Variants in ATG12 observed in about 807,000 individuals in gnomAD.
ATG12 encodes ubiquitin-like protein ATG12.
In ATG12, 19 loss-of-function variants were observed where a neutral mutation model predicts 17.6. The observed-to-expected ratio is 1.08, with a 90% confidence interval of 0.75 to 1.58. The LOEUF (loss-of-function observed/expected upper bound fraction) is 1.58. ATG12 is among the 40% of genes most tolerant of loss of function. The pLI is 0.00. For synonymous variants in ATG12, 75 were observed against 62.4 expected (o/e 1.20, Z -0.95); for missense variants, 214 against 162.0 (o/e 1.32, Z -1.74).
At position 115,831,333 on chromosome 5, in the gene ATG12, G is replaced by C. The variant is rs1039421942; in HGVS notation, c.*471C>G. On this transcript the variant is annotated 3_prime_UTR_variant, in exon 4 of 4. Transcript: ENST00000509910. ...CCAAAACGCCTAACCTTTTCTGCCT[G>C]GTGGACTGCCCTCTACTGGACTATT... The C allele has an allele frequency of 6.4e-6, 1 of 155,554 alleles. No individual in the cohort carries two copies. The highest frequency in any genetic ancestry group is 6.5e-5 in the Admixed American group (1 of 15,426). 9.6% of individuals were successfully genotyped at this position (155,554 alleles called of 1,614,324 possible). A position where few individuals can be genotyped will look rare whatever the true frequency, so the allele number is the denominator to read the frequency against.
intron 1 of ATG12, chr5:115,840,892 A>G (rs26536): frequency 0.43 from 556,032 of 1,285,924 alleles, 122,461 homozygotes; most frequent in Middle Eastern, 0.56. Context: ...TTCATTCTGC[A>G]TAAGAATTTG....
At position 115,828,881 on chromosome 5, in the gene ATG12, T is replaced by A. The variant is rs758808204; in HGVS notation, c.*2923A>T. ...TGGTAGTTTGCTCTAAGTGTTTTTA[T>A]GAGAGAAAGGGTATCTTCTCCTTGA... On this transcript the variant is annotated 3_prime_UTR_variant, in exon 4 of 4. Transcript: ENST00000509910. 1.3e-5 allele frequency: 2 copies of A among 152,192 alleles called. No homozygotes were observed. Among genetic ancestry groups the A allele is most frequent in the East Asian group, 1.9e-4 (1 of 5,198 alleles). The allele number at this position is 152,192 out of a possible 1,614,324, so 9.4% of individuals were successfully genotyped here.
In ATG12 at chr5:115,829,107, G is replaced by A. The variant is rs1367883084; in HGVS notation, c.*2697C>T. 6.6e-6 allele frequency: 1 copy of A among 152,172 alleles called. No homozygotes were observed. The highest frequency in any genetic ancestry group is 1.5e-5 in the Non-Finnish European group (1 of 68,020). The allele number at this position is 152,172 out of a possible 1,614,324, so 9.4% of individuals were successfully genotyped here. ...TATTTATATAAATACGATTTGAACT[G>A]TATTCAAATAGTAGTATTTGCTGAA... On this transcript the variant is annotated 3_prime_UTR_variant, in exon 4 of 4. Transcript: ENST00000509910.
intron 2 of ATG12, chr5:115,833,905 C>T (rs1179756717): frequency 6.6e-6 from 1 of 152,148 alleles, no homozygotes; most frequent in Non-Finnish European, 1.5e-5. Context: ...CTTAGTTTAT[C>T]AGTGTCTATG....
At chr5:115,839,568 G>A (rs1761242700) in intron 1 of ATG12, 1 of 152,172 alleles carries the variant, frequency 6.6e-6, no homozygotes, top group Admixed American at 6.5e-5. Context: ...AGAAACCAGA[G>A]AAGGAAAATA....
chr5:115,839,143 C>A (rs1761224418), intron 1 of ATG12: 1 of 139,060 alleles, frequency 7.2e-6, no homozygotes, highest in South Asian at 2.2e-4. Flanking sequence ...AAAAAAAAAT[C>A]TACAGTCAAA....
rs746181134 is a variant in ATG12, at chr5:115,829,563, C to T, written c.*2241G>A. On this transcript the variant is annotated 3_prime_UTR_variant, in exon 4 of 4. Transcript: ENST00000509910. The stretch of plus-strand genomic sequence containing the variant: ...CTTTGTGTGCCATGGGTCATCTATG[C>T]ACAGTAAGATGAAGCATGATATTAA... 2 of 152,088 alleles carry T rather than the reference C, an allele frequency of 1.3e-5. No homozygotes were observed. Among genetic ancestry groups the T allele is most frequent in the Non-Finnish European group, 2.9e-5 (2 of 68,028 alleles). The allele number at this position is 152,088 out of a possible 1,614,324, so 9.4% of individuals were successfully genotyped here. A position where few individuals can be genotyped will look rare whatever the true frequency, so the allele number is the denominator to read the frequency against.
intron 1 of ATG12, chr5:115,840,401 G>A: frequency 4.9e-6 from 1 of 202,070 alleles, no homozygotes; most frequent in South Asian, 5.6e-5. Context: ...GGGTTCAAGC[G>A]ATTCTCCTGC....
rs1317342158 is a variant in ATG12, at chr5:115,838,895, C to G, written c.164-1131G>C. On this transcript the variant is annotated intron_variant, in intron 1 of 3. Transcript: ENST00000509910. ...CTTGAGGTCAGGAGTTCAAGAGGGC[C>G]CAGTCCCCTTCCAACTTCTTGTTCA... 4 of 152,066 alleles carry G rather than the reference C, an allele frequency of 2.6e-5. No individual in the cohort carries two copies. The East Asian group carries it at 7.7e-4, about 29-fold the overall frequency. 9.4% of individuals were successfully genotyped at this position (152,066 alleles called of 1,614,324 possible).
rs1396925100 is a variant in ATG12 at position 115,831,443 on chromosome 5, G to T, written c.*361C>A. The T allele has an allele frequency of 3.7e-6, 1 of 273,284 alleles. No individual in the cohort carries two copies. Among genetic ancestry groups the T allele is most frequent in the Non-Finnish European group, 6.9e-6 (1 of 145,144 alleles). The allele number at this position is 273,284 out of a possible 1,614,324, so 16.9% of individuals were successfully genotyped here. On this transcript the variant is annotated 3_prime_UTR_variant, in exon 4 of 4. Transcript: ENST00000509910. ...ACATTAAAAAAAAAGGAACCCTTTA[G>T]TATATTAACTTTTACCATGAAAACA...
At chr5:115,840,260 T>C (rs1761312958) in intron 1 of ATG12, among the ~76,000 whole-genome samples, 1 of 151,408 alleles carries the variant, frequency 6.6e-6, no homozygotes, top group African/African-American at 2.4e-5. Flanking sequence ...TCCTCCACAG[T>C]AGCAGAAGTT....
At position 115,830,971 on chromosome 5, in the gene ATG12, T is replaced by C. The variant is rs1473968165; in HGVS notation, c.*833A>G. 6.6e-6 allele frequency: 1 copy of C among 152,230 alleles called. No individual in the cohort carries two copies. The highest frequency in any genetic ancestry group is 2.4e-5 in the African/African-American group (1 of 41,452). 9.4% of individuals were successfully genotyped at this position (152,230 alleles called of 1,614,324 possible). A position where few individuals can be genotyped will look rare whatever the true frequency, so the allele number is the denominator to read the frequency against. ...ATACAATAAGGCTATTTTTCAATTA[T>C]TGTTTTCAAGTTGGAAAATGCATTA... On this transcript the variant is annotated 3_prime_UTR_variant, in exon 4 of 4. Transcript: ENST00000509910.
chr5:115,831,966 A>C, intron 3 of ATG12, 103 bp from the exon 4 acceptor site: 1 of 1,068,042 alleles, frequency 9.4e-7, no homozygotes, highest in Non-Finnish European at 1.4e-6. Context: ...ACACACGTAT[A>C]TTAAGTTACC....
chr5:115,831,833 G>A lies in ATG12; in HGVS notation c.394C>T (p.His132Tyr). The A allele has an allele frequency of 6.2e-7, 1 of 1,611,922 alleles. No homozygotes were observed. The highest frequency in any genetic ancestry group is 1.1e-5 in the South Asian group (1 of 90,832). The change falls in exon 4 of 4, where the codon CAT (histidine) becomes TAT (tyrosine). Residue 132 changes from histidine to tyrosine, a missense_variant. His to Tyr is a moderately conservative substitution (Grantham distance 83). Coordinates refer to ENST00000509910, the MANE Select transcript of ATG12 (RefSeq NM_004707.4). ...CFGSDGKLVLHYCKSQAWG is the reference protein window; with the variant it reads ...CFGSDGKLVLYYCKSQAWG ...CCCCACGCCTGAGACTTGCAGTAAT[G>A]TAAAACCAGTTTACCATCACTGCCA...
chr5:115,831,886 A>G (rs1037186601), intron 3 of ATG12, 23 bp from the exon 4 acceptor site: 7 of 1,543,264 alleles, frequency 4.5e-6, no homozygotes, highest in Admixed American at 1.9e-5. Context: ...AAGGCAATAA[A>G]TCAAACTCAA....
At chr5:115,835,564 C>G (rs1478747354) in intron 2 of ATG12, among the ~76,000 whole-genome samples, 1 of 152,038 alleles carries the variant, frequency 6.6e-6, no homozygotes, top group Non-Finnish European at 1.5e-5. Flanking sequence ...CCTGAAATTT[C>G]TCCTCAGTAT....
At position 115,831,881 on chromosome 5, in the gene ATG12, A is replaced by T. The variant is rs940424327; in HGVS notation, c.364-18T>A. On this transcript the variant is annotated intron_variant, in intron 3 of 3. Coordinates refer to ENST00000509910, the MANE Select transcript of ATG12 (RefSeq NM_004707.4). Reference sequence around the variant, plus strand: ...CCAAAACACTACAAAAAAAAAAGGCAATAAATCAAACTCAATCTTTTATTA... The same window carrying T: ...CCAAAACACTACAAAAAAAAAAGGCTATAAATCAAACTCAATCTTTTATTA... 5 of 1,566,220 alleles carry T rather than the reference A, an allele frequency of 3.2e-6. No individual in the cohort carries two copies. The highest frequency in any genetic ancestry group is 4.3e-6 in the Non-Finnish European group (5 of 1,165,886).
Position 115,840,622 on chromosome 5 carries a change from G to A in ATG12, c.163+768C>T, listed in dbSNP as rs1296567481. 2.4e-6 allele frequency: 3 copies of A among 1,271,646 alleles called. No homozygotes were observed. In the East Asian group the frequency reaches 1.7e-4, roughly 73 times the overall value. 78.8% of individuals were successfully genotyped at this position (1,271,646 alleles called of 1,614,324 possible). ...CAGAGACCACTGTCATCTTAAGACA[G>A]AACGGGGAAAACGTCTAAGGACGAA... On this transcript the variant is annotated intron_variant, in intron 1 of 3. Transcript: ENST00000509910.
At chr5:115,834,885 T>C (rs1043676807) in intron 2 of ATG12, 1 of 152,234 alleles carries the variant, frequency 6.6e-6, no homozygotes, top group African/African-American at 2.4e-5. Context: ...GTACTTCAGA[T>C]GTTTTTTCAA....
Sources: allele counts gnomAD v4.1 joint callset (sites outside exome capture counted in the v4.1 genomes callset), GRCh38; gene constraint gnomAD v4.1.1; transcripts MANE v1.5; gene names NCBI Gene and HGNC (gene_info 2026-07-23, HGNC 2026-07-21).